Variants in TBPL1 observed in about 807,000 individuals in gnomAD.
The protein encoded by TBPL1 is TATA-box binding protein like 1.
In TBPL1, 4 loss-of-function variants were observed where a neutral mutation model predicts 22.1. The observed-to-expected ratio is 0.18, with a 90% CI of 0.09 to 0.41. TBPL1 has a LOEUF of 0.41. Among genes scored for constraint, TBPL1 ranks in the 10% least tolerant of loss-of-function variants. The pLI, the probability that TBPL1 is intolerant of heterozygous loss-of-function variation, is 1.00. For missense variants in TBPL1, 115 were observed against 222.3 expected (o/e 0.52, Z 3.07); for synonymous variants, 64 against 71.0 (o/e 0.90, Z 0.50).
At chr6:133,977,216 T>C (rs1776330267) in intron 1 of TBPL1, among the ~76,000 whole-genome samples, 1 of 152,174 alleles carries the variant, frequency 6.6e-6, no homozygotes, top group Admixed American at 6.5e-5. Flanking sequence ...CTTTTTATAT[T>C]GCATCTTTAA....
chr6:133,978,529 A>G (rs1199277365), intron 1 of TBPL1, among the ~76,000 whole-genome samples: 2 of 152,316 alleles, frequency 1.3e-5, no homozygotes, highest in Admixed American at 6.5e-5. Context: ...ATATCTATCC[A>G]TCAGTTCCTA....
intron 1 of TBPL1, among the ~76,000 whole-genome samples, chr6:133,961,251 G>A (rs555187289): frequency 6.6e-6 from 1 of 152,030 alleles, no homozygotes; most frequent in East Asian, 1.9e-4. Context: ...TTGAGTTTAG[G>A]ACCAAATGCC....
chr6:133,986,133 T>TG lies in TBPL1; in HGVS notation c.482-823dup, dbSNP rs950955996. On this transcript the variant is annotated intron_variant, in intron 6 of 6. Transcript: ENST00000237264. Reference sequence around the variant, plus strand: ...TTCCCATGAACAAAGCATAGCAAGGTGGGGGTAAAGTGAGTCAGGAAGGAC... The same window carrying TG: ...TTCCCATGAACAAAGCATAGCAAGGTGGGGGGTAAAGTGAGTCAGGAAGGAC... 9.9e-5 allele frequency among the ~76,000 whole-genome samples: 15 copies of TG among 151,978 alleles called. No individual in the cohort carries two copies. In the South Asian group the frequency reaches 1.9e-3, roughly 19 times the overall value.
chr6:133,980,267 ATCTGAG>A lies in TBPL1; in HGVS notation c.135+9_135+14del. 1 of 1,599,914 alleles carries A rather than the reference ATCTGAG, an allele frequency of 6.3e-7. No individual in the cohort carries two copies. The highest frequency in any genetic ancestry group is 1.1e-5 in the South Asian group (1 of 87,896). On this transcript the variant is annotated splice_region_variant and intron_variant, in intron 2 of 6. Transcript: ENST00000237264. Reference sequence around the variant, plus strand: ...TTATAAACGTGATGTTGGAGTAAGTATCTGAGTTTTCGTATTTGTACTACATAGCCT... The same window carrying A: ...TTATAAACGTGATGTTGGAGTAAGTATTTTCGTATTTGTACTACATAGCCT...
chr6:133,973,312 A>G (rs537116117), intron 1 of TBPL1, among the ~76,000 whole-genome samples: 46 of 152,296 alleles, frequency 3.0e-4, no homozygotes, highest in South Asian at 8.3e-4. Flanking sequence ...TAGATCATAG[A>G]TGGTAATTTT....
intron 6 of TBPL1, 146 bp downstream of exon 6, chr6:133,984,817 A>C: frequency 3.1e-6 from 2 of 640,998 alleles, no homozygotes; most frequent in Non-Finnish European, 2.7e-6. Flanking sequence ...TTAACACTAG[A>C]TGCATTTTGC....
At position 133,982,606 on chromosome 6, in the gene TBPL1, T is replaced by C; in HGVS notation, c.174T>C (p.Ala58=). 6.2e-7 allele frequency: 1 copy of C among 1,613,608 alleles called. No homozygotes were observed. The highest frequency in any genetic ancestry group is 8.5e-7 in the Non-Finnish European group (1 of 1,179,834). ...LMKLRKPRIT[A]TIWSSGKIIC... ...AGCTTAGAAAACCTAGAATTACAGCTACAATTTGGTCCTCAGGAAAAATTA... is the reference window on the plus strand; with the variant it reads ...AGCTTAGAAAACCTAGAATTACAGCCACAATTTGGTCCTCAGGAAAAATTA... Residue 58 remains alanine (A), a synonymous_variant, in exon 3 of 7, where the codon GCT becomes GCC. Transcript: ENST00000237264.
chr6:133,972,056 A>G (rs377672148), intron 1 of TBPL1, among the ~76,000 whole-genome samples: 3 of 152,240 alleles, frequency 2.0e-5, no homozygotes, highest in Non-Finnish European at 4.4e-5. Flanking sequence ...AGAATAGATT[A>G]TCCAAATTTG....
At chr6:133,972,418 A>G (rs1776239364) in intron 1 of TBPL1, among the ~76,000 whole-genome samples, 1 of 152,248 alleles carries the variant, frequency 6.6e-6, no homozygotes, top group Non-Finnish European at 1.5e-5. Context: ...AGGGCCTTAC[A>G]TTTATCAGTG....
intron 1 of TBPL1, among the ~76,000 whole-genome samples, chr6:133,978,328 A>T (rs1776350476): frequency 6.6e-6 from 1 of 152,240 alleles, no homozygotes; most frequent in Admixed American, 6.5e-5. Context: ...CATACATTAT[A>T]TAATTTTCAC....
chr6:133,980,389 G>A, intron 2 of TBPL1, 129 bp downstream of exon 2: 1 of 1,073,762 alleles, frequency 9.3e-7, no homozygotes, highest in Non-Finnish European at 1.2e-6. Flanking sequence ...CCTGGATACA[G>A]AAGTGAGCCC....
chr6:133,970,096 C>T (rs1776192163), intron 1 of TBPL1, among the ~76,000 whole-genome samples: 1 of 152,194 alleles, frequency 6.6e-6, no homozygotes. Flanking sequence ...GAGCCCACCA[C>T]TTTGCAGTGT....
At chr6:133,955,056 ATAGAT>A (rs1775903808) in intron 1 of TBPL1, among the ~76,000 whole-genome samples, 2 of 152,098 alleles carry the variant, frequency 1.3e-5, no homozygotes, top group Admixed American at 1.3e-4. Context: ...GAAGAAAAAG[ATAGAT>A]TAATGAATCA....
At chr6:133,973,944 T>C (rs1352120090) in intron 1 of TBPL1, among the ~76,000 whole-genome samples, 1 of 150,378 alleles carries the variant, frequency 6.6e-6, no homozygotes, top group Admixed American at 6.6e-5. Context: ...ATTTTTCTTA[T>C]ATTAAACCTA....
chr6:133,958,008 T>G (rs543530482), intron 1 of TBPL1, among the ~76,000 whole-genome samples: 6 of 152,360 alleles, frequency 3.9e-5, no homozygotes, highest in Admixed American at 2.6e-4. Context: ...GACTCATCTC[T>G]GCTGTTAGGC....
At chr6:133,963,085 G>T (rs959681816) in intron 1 of TBPL1, among the ~76,000 whole-genome samples, 2 of 152,202 alleles carry the variant, frequency 1.3e-5, no homozygotes, top group African/African-American at 2.4e-5. Context: ...GTAACATTTT[G>T]TACTGTGTAG....
At chr6:133,974,153 C>A (rs1432858928) in intron 1 of TBPL1, among the ~76,000 whole-genome samples, 1 of 152,106 alleles carries the variant, frequency 6.6e-6, no homozygotes, top group African/African-American at 2.4e-5. Context: ...TCTACTCTGG[C>A]AAACATTATG....
intron 1 of TBPL1, among the ~76,000 whole-genome samples, chr6:133,962,455 A>G (rs1310516398): frequency 6.6e-6 from 1 of 152,110 alleles, no homozygotes; most frequent in African/African-American, 2.4e-5. Flanking sequence ...GAAGAATGAG[A>G]GATGAAGGAT....
chr6:133,983,144 T>A (rs1366252985), intron 4 of TBPL1, among the ~76,000 whole-genome samples: 1 of 152,194 alleles, frequency 6.6e-6, no homozygotes, highest in African/African-American at 2.4e-5. Flanking sequence ...TTTTCAACTC[T>A]TTTTTAAGTG....
Sources: gnomAD v4.1 joint callset for allele counts (sites outside exome capture counted in the v4.1 genomes callset) on GRCh38, gnomAD v4.1.1 for gene constraint, MANE v1.5 for transcripts, NCBI Gene and HGNC (gene_info 2026-07-23, HGNC 2026-07-21) for gene names.